Variants in RSPO2 observed in about 807,000 individuals in gnomAD.
The protein encoded by RSPO2 is R-spondin-2.
In RSPO2, 14 loss-of-function variants were observed where a neutral mutation model predicts 30.9. That is an observed-to-expected ratio of 0.45 (90% confidence interval 0.30 to 0.71). The LOEUF is 0.71. Ranked by LOEUF, RSPO2 falls within the 30% of genes least tolerant of loss-of-function variation. RSPO2 has a pLI of 0.08. For synonymous variants in RSPO2, 107 were observed against 96.4 expected (o/e 1.11, Z -0.64); for missense variants, 264 against 301.9 (o/e 0.87, Z 0.93).
intron 5 of RSPO2, among the ~76,000 whole-genome samples, chr8:107,908,826 C>T (rs1328530822): frequency 6.6e-6 from 1 of 152,184 alleles, no homozygotes; most frequent in African/African-American, 2.4e-5. Flanking sequence ...AGAGAAAAAG[C>T]ATTATTCACA....
intron 5 of RSPO2, among the ~76,000 whole-genome samples, chr8:107,928,310 C>G (rs1211331918): frequency 2.6e-5 from 4 of 152,172 alleles, no homozygotes; most frequent in Admixed American, 6.5e-5. Context: ...AACAGATGTA[C>G]TGCTTAGCTG....
At chr8:107,970,205 T>A (rs1813947577) in intron 3 of RSPO2, among the ~76,000 whole-genome samples, 1 of 152,230 alleles carries the variant, frequency 6.6e-6, no homozygotes, top group South Asian at 2.1e-4. Flanking sequence ...TGTAAATGAT[T>A]CAACATGGAT....
intron 2 of RSPO2, among the ~76,000 whole-genome samples, chr8:108,058,261 A>G (rs201249982): frequency 4.6e-5 from 7 of 152,172 alleles, no homozygotes; most frequent in African/African-American, 1.4e-4. Context: ...GCTTCAAAGA[A>G]AATAAAATAC....
chr8:108,069,245 G>A (rs1033560102), intron 2 of RSPO2, among the ~76,000 whole-genome samples: 13 of 150,778 alleles, frequency 8.6e-5, no homozygotes, highest in African/African-American at 2.9e-4. Flanking sequence ...ACAGAGTCTC[G>A]CTCTGTTGCC....
chr8:107,903,906 A>G (rs1017686093), intron 5 of RSPO2, among the ~76,000 whole-genome samples: 4 of 152,106 alleles, frequency 2.6e-5, no homozygotes, highest in Admixed American at 2.6e-4. Context: ...TGTGGTCCAT[A>G]CTACGTTGTT....
chr8:108,057,800 T>TTCTTTTAAGATTAAGTAC (rs1812304825), intron 2 of RSPO2, among the ~76,000 whole-genome samples: 1 of 146,722 alleles, frequency 6.8e-6, no homozygotes, highest in Non-Finnish European at 1.5e-5. Context: ...ATACTGTTTG[T>TTCTTTTAAGATTAAGTAC]TCTTTTAAGA....
intron 4 of RSPO2, among the ~76,000 whole-genome samples, chr8:107,960,221 A>C (rs1229479885): frequency 6.6e-6 from 1 of 152,164 alleles, no homozygotes; most frequent in African/African-American, 2.4e-5. Context: ...CATATAATCA[A>C]CAAAATATGG....
intron 5 of RSPO2, among the ~76,000 whole-genome samples, chr8:107,924,495 T>A (rs1812289242): frequency 6.6e-6 from 1 of 152,098 alleles, no homozygotes; most frequent in Non-Finnish European, 1.5e-5. Flanking sequence ...TGTGTACCTC[T>A]GTTGGTTTCA....
At position 107,969,156 on chromosome 8, in the gene RSPO2, T is replaced by C. The variant is rs562177033; in HGVS notation, c.284-8339A>G. On this transcript the variant is annotated intron_variant, in intron 3 of 5. Coordinates refer to ENST00000276659, the MANE Select transcript of RSPO2 (RefSeq NM_178565.5). ...TAACCATCAGATAAAAAGGGGGAAATACCTGACTTACCTATATCATACAAT... is the reference window on the plus strand; with the variant it reads ...TAACCATCAGATAAAAAGGGGGAAACACCTGACTTACCTATATCATACAAT... Among the ~76,000 whole-genome samples the C allele has an allele frequency of 7.2e-5, 11 of 152,258 alleles. No individual in the cohort carries two copies. The South Asian group carries it at 2.3e-3, about 32-fold the overall frequency.
intron 5 of RSPO2, 34 bp downstream of exon 5, chr8:107,958,046 C>A (rs1813483101): frequency 6.8e-7 from 1 of 1,468,622 alleles, no homozygotes; most frequent in Non-Finnish European, 9.3e-7. Flanking sequence ...TCAGGAAGCA[C>A]ACAGCACACA....
intron 5 of RSPO2, among the ~76,000 whole-genome samples, chr8:107,914,676 A>G (rs776455169): frequency 6.6e-6 from 1 of 152,122 alleles, no homozygotes; most frequent in Non-Finnish European, 1.5e-5. Flanking sequence ...TTAGTTACCT[A>G]TTTTCATTAC....
At chr8:107,911,408 C>G (rs1464841783) in intron 5 of RSPO2, among the ~76,000 whole-genome samples, 1 of 152,174 alleles carries the variant, frequency 6.6e-6, no homozygotes, top group Admixed American at 6.5e-5. Context: ...GAACATGAGT[C>G]TGGGGCGTCA....
At chr8:107,915,596 T>TTGTG (rs149737793) in intron 5 of RSPO2, among the ~76,000 whole-genome samples, 3 of 150,990 alleles carry the variant, frequency 2.0e-5, no homozygotes, top group South Asian at 2.1e-4. Context: ...CTTCTCGTCT[T>TTGTG]TGTGTGTGTG....
chr8:107,949,849 T>C (rs1292111976), intron 5 of RSPO2, among the ~76,000 whole-genome samples: 1 of 152,224 alleles, frequency 6.6e-6, no homozygotes, highest in Non-Finnish European at 1.5e-5. Flanking sequence ...CCTGCACTTG[T>C]ACCCTTTAAA....
In RSPO2 at chr8:108,075,976, G is replaced by C. The variant is rs571367765; in HGVS notation, c.94+6569C>G. Among the ~76,000 whole-genome samples, 209 of 152,172 alleles carry C rather than the reference G, an allele frequency of 1.4e-3. 1 individual carries two copies. Among genetic ancestry groups the C allele is most frequent in the African/African-American group, 4.9e-3 (204 of 41,520 alleles). ...AAGCTTAAAATATGATGATACATAA[G>C]GCAAGATAACCAGAAAAAAAGGAAA... On this transcript the variant is annotated intron_variant, in intron 2 of 5. Transcript: ENST00000276659.
Position 108,009,062 on chromosome 8 carries a change from T to C in RSPO2, c.95-19818A>G, listed in dbSNP as rs192820263. Among the ~76,000 whole-genome samples the C allele has an allele frequency of 5.9e-4, 89 of 151,976 alleles. 1 individual carries two copies. The East Asian group carries it at 0.015, about 26-fold the overall frequency. On this transcript the variant is annotated intron_variant, in intron 2 of 5. Coordinates refer to ENST00000276659, the MANE Select transcript of RSPO2 (RefSeq NM_178565.5). The stretch of plus-strand genomic sequence containing the variant: ...ACAAAATGCAAATCAAAATAAAGAG[T>C]CACCCCTACATAAAATTAACGTTTA...
intron 3 of RSPO2, among the ~76,000 whole-genome samples, chr8:107,982,411 G>A (rs116081275): frequency 0.014 from 2,157 of 152,218 alleles, 37 homozygotes; most frequent in African/African-American, 0.048. Flanking sequence ...GTTTGTCCAA[G>A]GCTAATTTTC....
At chr8:108,028,382 C>T (rs1482914994) in intron 2 of RSPO2, among the ~76,000 whole-genome samples, 4 of 152,160 alleles carry the variant, frequency 2.6e-5, no homozygotes, top group Non-Finnish European at 5.9e-5. Context: ...CCCAAAGCAA[C>T]TTAGTTATTC....
At chr8:107,951,165 T>C (rs572951124) in intron 5 of RSPO2, among the ~76,000 whole-genome samples, 1 of 151,936 alleles carries the variant, frequency 6.6e-6, no homozygotes, top group East Asian at 1.9e-4. Flanking sequence ...AAGAGATTCT[T>C]CTGCCTCAGC....
Sources: gnomAD v4.1 joint callset for allele counts (sites outside exome capture counted in the v4.1 genomes callset) on GRCh38, gnomAD v4.1.1 for gene constraint, MANE v1.5 for transcripts, NCBI Gene and HGNC (gene_info 2026-07-23, HGNC 2026-07-21) for gene names.